CFAP263: variants seen among roughly 807,000 people sequenced by gnomAD.
The protein encoded by CFAP263 is cilia- and flagella-associated protein 263.
the CFAP263 span, chr16:58,278,518 C>T: frequency 1.2e-5 from 20 of 1,614,044 alleles, 1 homozygote; most frequent in South Asian, 3.3e-5. Flanking sequence ...TAAGAGGCTC[C>T]GGAAGCAGCT....
the CFAP263 span, chr16:58,281,894 G>A: frequency 6.6e-6 from 1 of 152,516 alleles, no homozygotes; most frequent in Non-Finnish European, 1.5e-5. Flanking sequence ...CAAGGCTGGA[G>A]TGCAGTGGTG....
chr16:58,280,365 C>T, the CFAP263 span: 14 of 1,614,168 alleles, frequency 8.7e-6, no homozygotes, highest in Admixed American at 1.0e-4. Context: ...GTTGTACAGA[C>T]GCCTCAGGAG....
At chr16:58,277,492 T>A in the CFAP263 span, among the ~76,000 whole-genome samples, 147 of 152,366 alleles carry the variant, frequency 9.6e-4, no homozygotes, top group African/African-American at 3.2e-3. Flanking sequence ...GATAATTTTT[T>A]AAATAAATAT....
the CFAP263 span, chr16:58,254,222 G>T: frequency 6.5e-7 from 1 of 1,535,832 alleles, no homozygotes; most frequent in Non-Finnish European, 9.0e-7. Context: ...CCACTGAGAG[G>T]TATCTAGAGT....
At chr16:58,255,283 A>G in the CFAP263 span, among the ~76,000 whole-genome samples, 1 of 152,168 alleles carries the variant, frequency 6.6e-6, no homozygotes. Context: ...CGGGCATGGG[A>G]AGAAGAGGGA....
At chr16:58,258,495 A>T in the CFAP263 span, 20 of 1,614,140 alleles carry the variant, frequency 1.2e-5, no homozygotes, top group Non-Finnish European at 1.7e-5. Flanking sequence ...AAAGTGATGA[A>T]ATACATTGAG....
At chr16:58,277,483 A>G in the CFAP263 span, among the ~76,000 whole-genome samples, 2 of 152,242 alleles carry the variant, frequency 1.3e-5, no homozygotes, top group African/African-American at 4.8e-5. Context: ...TTACTGCATG[A>G]TAATTTTTTA....
At chr16:58,253,947 G>A in the CFAP263 span, 1 of 1,606,940 alleles carries the variant, frequency 6.2e-7, no homozygotes, top group Non-Finnish European at 8.5e-7. Context: ...TCTTGGGCTG[G>A]TTCATTACCA....
chr16:58,250,425 C>T, the CFAP263 span: 3 of 259,216 alleles, frequency 1.2e-5, no homozygotes, highest in South Asian at 2.1e-4. Flanking sequence ...AATTCTACAG[C>T]AGCAATTTGG....
chr16:58,280,722 C>G, the CFAP263 span: 1 of 1,610,146 alleles, frequency 6.2e-7, no homozygotes, highest in Non-Finnish European at 8.5e-7. Context: ...GATCGAACTG[C>G]TGTAGCTGGC....
At chr16:58,267,713 CA>C in the CFAP263 span, 93 of 628,228 alleles carry the variant, frequency 1.5e-4, no homozygotes, top group Non-Finnish European at 2.2e-4. Context: ...CAATAAAAAT[CA>C]AAATAGCTCT....
At chr16:58,254,131 A>T in the CFAP263 span, 2 of 1,614,224 alleles carry the variant, frequency 1.2e-6, no homozygotes, top group South Asian at 1.1e-5. Flanking sequence ...ACAAGGGCAA[A>T]TGCGGAACGC....
At chr16:58,259,606 A>G in the CFAP263 span, among the ~76,000 whole-genome samples, 7 of 152,354 alleles carry the variant, frequency 4.6e-5, no homozygotes, top group South Asian at 1.5e-3. Context: ...ACAGTAGCAT[A>G]CACCCAAATA....
chr16:58,279,658 T>G, the CFAP263 span: 11 of 1,477,878 alleles, frequency 7.4e-6, no homozygotes, highest in East Asian at 2.5e-4. Context: ...TCCTTTATCA[T>G]TTTTTTTCTT....
chr16:58,267,664 A>T, the CFAP263 span: 1 of 851,706 alleles, frequency 1.2e-6, no homozygotes, highest in African/African-American at 1.7e-5. Context: ...GTCCACCAAG[A>T]TCTAAGCCAC....
the CFAP263 span, among the ~76,000 whole-genome samples, chr16:58,254,319 C>T: frequency 6.6e-6 from 1 of 152,156 alleles, no homozygotes; most frequent in Non-Finnish European, 1.5e-5. Context: ...TTACCACCTG[C>T]TTGTGGGGAC....
chr16:58,259,401 GT>G, the CFAP263 span, among the ~76,000 whole-genome samples: 1 of 152,054 alleles, frequency 6.6e-6, no homozygotes, highest in East Asian at 1.9e-4. Context: ...ACCTTGGGCT[GT>G]TATGAGAAAA....
At chr16:58,280,197 C>G in the CFAP263 span, 1 of 1,580,038 alleles carries the variant, frequency 6.3e-7, no homozygotes, top group South Asian at 1.2e-5. Context: ...TCAGTTTACT[C>G]TTCAGTTTGG....
chr16:58,252,338 C>G, the CFAP263 span, among the ~76,000 whole-genome samples: 2 of 151,668 alleles, frequency 1.3e-5, no homozygotes, highest in African/African-American at 4.8e-5. Flanking sequence ...AAGACCCTGT[C>G]TCTTAAACAA....
Sources: gnomAD v4.1 joint callset for allele counts (sites outside exome capture counted in the v4.1 genomes callset) on GRCh38, gnomAD v4.1.1 for gene constraint, MANE v1.5 for transcripts, NCBI Gene and HGNC (gene_info 2026-07-23, HGNC 2026-07-21) for gene names.